PIBF1: variants seen among roughly 807,000 people sequenced by gnomAD.
PIBF1 encodes progesterone immunomodulatory binding factor 1, also known as progesterone-induced-blocking factor 1.
Under a neutral mutation model 112.5 loss-of-function variants are expected in PIBF1, and 90 were observed. The observed-to-expected ratio is 0.80, with a 90% CI of 0.67 to 0.95. The LOEUF (loss-of-function observed/expected upper bound fraction) is 0.95, where lower values mean the gene tolerates loss of function less well. PIBF1 is among the 40% of genes least tolerant of loss of function. PIBF1 has a pLI of 0.00. For missense variants in PIBF1, 915 were observed against 852.3 expected (o/e 1.07, Z -0.92); for synonymous variants, 301 against 288.6 (o/e 1.04, Z -0.44).
chr13:72,979,295 A>G (rs910713970), intron 16 of PIBF1, among the ~76,000 whole-genome samples: 8 of 152,160 alleles, frequency 5.3e-5, no homozygotes, highest in African/African-American at 1.7e-4. Flanking sequence ...TTATCCACTC[A>G]TCTTTGCCTT....
Position 72,795,420 on chromosome 13 carries a change from G to A in PIBF1, c.415G>A (p.Glu139Lys), listed in dbSNP as rs754955975. 6.2e-7 allele frequency: 1 copy of A among 1,609,662 alleles called. No homozygotes were observed. Among genetic ancestry groups the A allele is most frequent in the East Asian group, 2.2e-5 (1 of 44,740 alleles). ...CATTTTGTTGAGACAGAAACAACTAGAAGAGACAAATCTTCAGCTAAGAGA... is the reference window on the plus strand; with the variant it reads ...CATTTTGTTGAGACAGAAACAACTAAAAGAGACAAATCTTCAGCTAAGAGA... ...ETILLRQKQL[E>K]ETNLQLREKA... Residue 139 changes from glutamate to lysine, a missense_variant, in exon 4 of 18, where the codon GAA becomes AAA. Physicochemically the swap from Glu to Lys is moderately conservative, Grantham distance 56. Coordinates refer to ENST00000326291, the MANE Select transcript of PIBF1 (RefSeq NM_006346.4).
At chr13:72,911,373 A>G (rs2040887461) in intron 12 of PIBF1, among the ~76,000 whole-genome samples, 1 of 151,744 alleles carries the variant, frequency 6.6e-6, no homozygotes, top group African/African-American at 2.4e-5. Context: ...CAAAGGCAGC[A>G]AAGCAAACAA....
Position 72,876,134 on chromosome 13 carries a change from C to CTTT in PIBF1, c.1323-17633_1323-17631dup, listed in dbSNP as rs386363749. ...AAAGGTGTAAGTCTGTGTTCAGATT[C>CTTT]TTTTTTTTTTTTTTTTTTTGCATGT... On this transcript the variant is annotated intron_variant, in intron 10 of 17. Transcript: ENST00000326291. 9.1e-3 allele frequency among the ~76,000 whole-genome samples: 830 copies of CTTT among 91,226 alleles called. 90 individuals are homozygous for CTTT. The highest frequency in any genetic ancestry group is 0.041 in the Middle Eastern group (3 of 74). The allele number at this position is 91,226 out of a possible 152,430, so 59.8% of individuals were successfully genotyped here. A position where few individuals can be genotyped will look rare whatever the true frequency, so the allele number is the denominator to read the frequency against.
chr13:72,971,996 T>A (rs1049405717), intron 15 of PIBF1, among the ~76,000 whole-genome samples: 1 of 146,640 alleles, frequency 6.8e-6, no homozygotes, highest in Non-Finnish European at 1.5e-5. Flanking sequence ...TAAAGATTAG[T>A]GGCTTTCATT....
intron 14 of PIBF1, 125 bp downstream of exon 14, chr13:72,931,392 A>G (rs1264272414): frequency 5.6e-6 from 4 of 709,380 alleles, no homozygotes; most frequent in South Asian, 1.7e-5. Context: ...TTCACAATTT[A>G]TGAAACTAAC....
Position 72,827,814 on chromosome 13 carries a change from C to CGCTGTGCTCATGAAGAGGATCGCCTTGA in PIBF1, c.998_1025dup (p.Arg343LeufsTer4). On this transcript the variant is annotated frameshift_variant, in exon 8 of 18. Coordinates refer to ENST00000326291, the MANE Select transcript of PIBF1 (RefSeq NM_006346.4). LOFTEE classifies it high-confidence loss of function. Reference sequence around the variant, plus strand: ...TCGCCAAAACATGGAGCTTAGTGTTCGCTGTGCTCATGAAGAGGATCGCCT... The same window carrying CGCTGTGCTCATGAAGAGGATCGCCTTGA: ...TCGCCAAAACATGGAGCTTAGTGTTCGCTGTGCTCATGAAGAGGATCGCCTTGAGCTGTGCTCATGAAGAGGATCGCCT... The CGCTGTGCTCATGAAGAGGATCGCCTTGA allele has an allele frequency of 6.2e-7, 1 of 1,604,150 alleles. No homozygotes were observed. The highest frequency in any genetic ancestry group is 8.5e-7 in the Non-Finnish European group (1 of 1,175,376).
At chr13:72,790,508 C>CAT (rs1179585560) in intron 2 of PIBF1, among the ~76,000 whole-genome samples, 2 of 132,320 alleles carry the variant, frequency 1.5e-5, no homozygotes, top group South Asian at 2.6e-4. Flanking sequence ...ATCACACACA[C>CAT]ACATAGATAG....
chr13:72,955,831 A>T lies in PIBF1; in HGVS notation c.1834-9443A>T, dbSNP rs994038097. ...CTCATTACAAGTCCCTGTCTCATAA[A>T]GCCCTTCCATATTTTTCCAATCTGT... On this transcript the variant is annotated intron_variant, in intron 14 of 17. Coordinates refer to ENST00000326291, the MANE Select transcript of PIBF1 (RefSeq NM_006346.4). 1.1e-4 allele frequency among the ~76,000 whole-genome samples: 16 copies of T among 152,198 alleles called. No individual in the cohort carries two copies. The East Asian group carries it at 3.1e-3, about 29-fold the overall frequency.
At chr13:72,790,582 G>A (rs1020908791) in intron 2 of PIBF1, among the ~76,000 whole-genome samples, 1 of 151,858 alleles carries the variant, frequency 6.6e-6, no homozygotes, top group Non-Finnish European at 1.5e-5. Context: ...CATATAGGTG[G>A]CACCTAAAGC....
In PIBF1 at chr13:72,958,274, C is replaced by T. The variant is rs1489189238; in HGVS notation, c.1834-7000C>T. On this transcript the variant is annotated intron_variant, in intron 14 of 17. Coordinates refer to ENST00000326291, the MANE Select transcript of PIBF1 (RefSeq NM_006346.4). ...GCAGTGAACTATGATTCCGCCACTG[C>T]ACTCCAACCTGGATGACAAAGCAAG... 8.1e-5 allele frequency among the ~76,000 whole-genome samples: 11 copies of T among 135,706 alleles called. No individual in the cohort carries two copies. In the Admixed American group the frequency reaches 8.8e-4, roughly 11 times the overall value. 89.0% of individuals were successfully genotyped at this position (135,706 alleles called of 152,430 possible). A position where few individuals can be genotyped will look rare whatever the true frequency, so the allele number is the denominator to read the frequency against.
chr13:72,997,337 G>A (rs17089868), intron 16 of PIBF1, among the ~76,000 whole-genome samples: 15,540 of 152,142 alleles, frequency 0.1, 2,273 homozygotes, highest in African/African-American at 0.33. Context: ...TCACCATAGT[G>A]GAGCATATAA....
intron 14 of PIBF1, among the ~76,000 whole-genome samples, chr13:72,959,132 A>T (rs1382961343): frequency 6.6e-6 from 1 of 152,080 alleles, no homozygotes; most frequent in African/African-American, 2.4e-5. Context: ...AGAAGCTGGG[A>T]TTACAGGCAT....
At chr13:72,995,691 C>T (rs2043630694) in intron 16 of PIBF1, among the ~76,000 whole-genome samples, 1 of 152,088 alleles carries the variant, frequency 6.6e-6, no homozygotes, top group South Asian at 2.1e-4. Context: ...GTGACTCACG[C>T]CTGTAATCCC....
intron 6 of PIBF1, 127 bp downstream of exon 6, chr13:72,822,109 C>A: frequency 1.4e-6 from 1 of 733,594 alleles, no homozygotes; most frequent in Non-Finnish European, 2.1e-6. Flanking sequence ...CAAATGCATG[C>A]AGTTTTGGCA....
chr13:72,786,192 A>T (rs989264649), intron 2 of PIBF1, among the ~76,000 whole-genome samples: 1 of 152,146 alleles, frequency 6.6e-6, no homozygotes, highest in African/African-American at 2.4e-5. Context: ...ACTCAGCACA[A>T]TATTATTATT....
At chr13:72,809,747 G>A (rs2035918999) in intron 5 of PIBF1, among the ~76,000 whole-genome samples, 1 of 151,798 alleles carries the variant, frequency 6.6e-6, no homozygotes, top group Non-Finnish European at 1.5e-5. Flanking sequence ...GCGCCACCAT[G>A]CCTGGCTAAT....
chr13:72,895,874 A>G (rs1436743440), intron 11 of PIBF1, among the ~76,000 whole-genome samples: 1 of 152,132 alleles, frequency 6.6e-6, no homozygotes, highest in Non-Finnish European at 1.5e-5. Flanking sequence ...AGCCTCGGGC[A>G]AGTTTTCAAG....
intron 4 of PIBF1, among the ~76,000 whole-genome samples, chr13:72,797,530 A>G (rs982845714): frequency 6.6e-6 from 1 of 152,194 alleles, no homozygotes; most frequent in African/African-American, 2.4e-5. Context: ...GGCATGAGCC[A>G]TGCATTTATA....
chr13:72,949,953 T>G (rs1379371654), intron 14 of PIBF1, among the ~76,000 whole-genome samples: 2 of 152,204 alleles, frequency 1.3e-5, no homozygotes, highest in Non-Finnish European at 2.9e-5. Context: ...TAGAGAAATA[T>G]GGAGTCATCG....
Sources: gnomAD v4.1 joint callset for allele counts (sites outside exome capture counted in the v4.1 genomes callset) on GRCh38, gnomAD v4.1.1 for gene constraint, MANE v1.5 for transcripts, NCBI Gene and HGNC (gene_info 2026-07-23, HGNC 2026-07-21) for gene names.